TENM2: variants seen among roughly 807,000 people sequenced by gnomAD.
The protein encoded by TENM2 is teneurin-2.
TENM2 carries 52 observed loss-of-function variants against 245.2 expected under a neutral mutation model. The ratio of observed to expected loss-of-function variants is 0.21; its 90% CI spans 0.17 to 0.27. The LOEUF (loss-of-function observed/expected upper bound fraction) is 0.27. Among genes scored for constraint, TENM2 ranks in the 10% least tolerant of loss-of-function variants. The pLI, the probability that TENM2 is intolerant of heterozygous loss-of-function variation, is 1.00. For synonymous variants in TENM2, 1,363 were observed against 1,438.9 expected (o/e 0.95, Z 1.19); for missense variants, 3,046 against 3,666.8 (o/e 0.83, Z 4.37).
At chr5:167,233,224 C>A in the TENM2 span, among the ~76,000 whole-genome samples, 1 of 152,176 alleles carries the variant, frequency 6.6e-6, no homozygotes, top group Non-Finnish European at 1.5e-5. Flanking sequence ...TCCTAAAAGT[C>A]AGTTTTCTAA....
At chr5:168,135,240 C>T (rs760667953) in intron 12 of TENM2, among the ~76,000 whole-genome samples, 2 of 152,096 alleles carry the variant, frequency 1.3e-5, no homozygotes, top group South Asian at 2.1e-4. Context: ...TCTGGGGATT[C>T]GTTGCAATTT....
At chr5:167,533,392 G>C (rs1277118865) in intron 2 of TENM2, among the ~76,000 whole-genome samples, 1 of 152,074 alleles carries the variant, frequency 6.6e-6, no homozygotes, top group African/African-American at 2.4e-5. Context: ...GCTTGGGAGA[G>C]GCAAAGCATG....
intron 8 of TENM2, among the ~76,000 whole-genome samples, chr5:168,092,667 A>G (rs1793042054): frequency 6.6e-6 from 1 of 152,248 alleles, no homozygotes. Context: ...GGAAAAAACT[A>G]GAAACAAATT....
the TENM2 span, among the ~76,000 whole-genome samples, chr5:167,091,076 C>T: frequency 6.6e-6 from 1 of 152,114 alleles, no homozygotes; most frequent in East Asian, 1.9e-4. Flanking sequence ...TGGGAAATAA[C>T]AGAAGGAGAA....
intron 1 of TENM2, among the ~76,000 whole-genome samples, chr5:167,337,922 C>T (rs905148981): frequency 1.3e-5 from 2 of 152,094 alleles, no homozygotes; most frequent in African/African-American, 4.8e-5. Flanking sequence ...TAAAAAAATA[C>T]TTTGCAATAG....
intron 23 of TENM2, among the ~76,000 whole-genome samples, chr5:168,223,997 G>C (rs1393224432): frequency 6.6e-6 from 1 of 151,368 alleles, no homozygotes; most frequent in Non-Finnish European, 1.5e-5. Flanking sequence ...ATTTGTGTAT[G>C]CCAATAAATA....
chr5:168,027,429 G>T (rs1052649770), intron 5 of TENM2, among the ~76,000 whole-genome samples: 1 of 152,158 alleles, frequency 6.6e-6, no homozygotes, highest in Non-Finnish European at 1.5e-5. Context: ...CATAGCTTCT[G>T]CTAGCAGACT....
chr5:168,190,964 C>A (rs1451841231), intron 14 of TENM2: 1 of 157,546 alleles, frequency 6.3e-6, no homozygotes, highest in African/African-American at 2.4e-5. Context: ...ATAACATAAC[C>A]TATCATTTGG....
At chr5:168,138,457 G>T (rs531763746) in intron 12 of TENM2, among the ~76,000 whole-genome samples, 20 of 152,340 alleles carry the variant, frequency 1.3e-4, no homozygotes, top group South Asian at 4.1e-4. Flanking sequence ...AAATTGTAGA[G>T]ATAGCAAACA....
intron 13 of TENM2, among the ~76,000 whole-genome samples, chr5:168,167,322 A>AGG (rs964073893): frequency 4.0e-5 from 6 of 151,780 alleles, no homozygotes; most frequent in African/African-American, 1.5e-4. Flanking sequence ...CAAGGTGAGG[A>AGG]GGCGTTGTTA....
intron 1 of TENM2, among the ~76,000 whole-genome samples, chr5:167,371,953 G>A (rs1476997840): frequency 6.6e-6 from 1 of 152,082 alleles, no homozygotes; most frequent in East Asian, 1.9e-4. Context: ...CCTGTTCCAG[G>A]TATTAATACT....
chr5:167,339,535 A>G (rs1447407869), intron 1 of TENM2, among the ~76,000 whole-genome samples: 1 of 151,926 alleles, frequency 6.6e-6, no homozygotes, highest in South Asian at 2.1e-4. Flanking sequence ...TTCAATATGC[A>G]TGATATGAGG....
At chr5:167,664,247 C>G (rs1160502545) in intron 2 of TENM2, among the ~76,000 whole-genome samples, 1 of 152,092 alleles carries the variant, frequency 6.6e-6, no homozygotes, top group East Asian at 1.9e-4. Flanking sequence ...ATTTCAAAGC[C>G]CCTTGGCCTG....
the TENM2 span, among the ~76,000 whole-genome samples, chr5:167,120,438 G>A: frequency 3.3e-5 from 5 of 152,182 alleles, no homozygotes; most frequent in Admixed American, 2.6e-4. Flanking sequence ...CTGAATCGAG[G>A]AAAATCACAA....
At chr5:167,776,622 A>C (rs1290644486) in intron 2 of TENM2, among the ~76,000 whole-genome samples, 32 of 65,358 alleles carry the variant, frequency 4.9e-4, no homozygotes, top group Admixed American at 2.9e-3. Context: ...AAAAAAAAAA[A>C]AAAACCATAT....
intron 1 of TENM2, among the ~76,000 whole-genome samples, chr5:167,371,326 G>A (rs764550621): frequency 2.2e-4 from 32 of 145,778 alleles, no homozygotes; most frequent in Non-Finnish European, 3.7e-4. Flanking sequence ...TGACCTCCAT[G>A]GCTCCCTGTT....
At chr5:167,236,618 C>A in the TENM2 span, among the ~76,000 whole-genome samples, 32,294 of 152,074 alleles carry the variant, frequency 0.21, 3,963 homozygotes, top group African/African-American at 0.34. Flanking sequence ...ATGTGGTGGT[C>A]CCCTGATAAA....
intron 1 of TENM2, among the ~76,000 whole-genome samples, chr5:167,302,020 G>A (rs767863263): frequency 3.3e-5 from 5 of 152,202 alleles, no homozygotes; most frequent in South Asian, 2.1e-4. Flanking sequence ...GACTCACGAC[G>A]CTTGGGGTTG....
At chr5:167,405,094 C>T (rs865978235) in intron 2 of TENM2, among the ~76,000 whole-genome samples, 3 of 152,184 alleles carry the variant, frequency 2.0e-5, no homozygotes, top group East Asian at 1.9e-4. Flanking sequence ...GAAATTAATC[C>T]GTGCCACAGA....
Sources: gnomAD v4.1 joint callset for allele counts (sites outside exome capture counted in the v4.1 genomes callset) on GRCh38, gnomAD v4.1.1 for gene constraint, MANE v1.5 for transcripts, NCBI Gene and HGNC (gene_info 2026-07-23, HGNC 2026-07-21) for gene names.